The following ZNF550 variants were observed in gnomAD, a reference collection of about 807,000 sequenced individuals.
ZNF550 encodes the protein zinc finger protein 550.
Under a neutral mutation model 40.2 loss-of-function variants are expected in ZNF550, and 42 were observed. That is an observed-to-expected ratio of 1.05 (90% CI 0.82 to 1.35). The LOEUF is 1.35. Ranked by LOEUF, ZNF550 falls within the 40% of genes most tolerant of loss-of-function variation. ZNF550 has a pLI of 0.00. For missense variants in ZNF550, 549 were observed against 525.2 expected (o/e 1.05, Z -0.44); for synonymous variants, 223 against 198.6 (o/e 1.12, Z -1.03).
intron 1 of ZNF550, among the ~76,000 whole-genome samples, chr19:57,558,647 G>A (rs573199267): frequency 3.7e-4 from 56 of 152,300 alleles, no homozygotes; most frequent in African/African-American, 1.3e-3. Flanking sequence ...GGAGACCAAA[G>A]AGACTCTGGT....
At chr19:57,558,777 G>T (rs2090144391) in intron 1 of ZNF550, among the ~76,000 whole-genome samples, 2 of 152,310 alleles carry the variant, frequency 1.3e-5, no homozygotes, top group South Asian at 4.2e-4. Context: ...GGAGCTGACA[G>T]TAATCTGGGC....
intron 4 of ZNF550, chr19:57,543,722 G>T (rs2089982223): frequency 1.5e-5 from 10 of 680,850 alleles, no homozygotes; most frequent in Non-Finnish European, 1.8e-5. Context: ...GACTACATGA[G>T]GTCAAGAGTT....
intron 3 of ZNF550, among the ~76,000 whole-genome samples, chr19:57,551,598 C>T (rs1224853431): frequency 6.6e-6 from 1 of 152,132 alleles, no homozygotes; most frequent in Non-Finnish European, 1.5e-5. Flanking sequence ...GATGGTAAGA[C>T]ATTCTCTGAA....
chr19:57,559,933 T>C (rs561398565), upstream of ZNF550: 14 of 404,080 alleles, frequency 3.5e-5, 1 homozygote, highest in South Asian at 1.4e-3. Context: ...TAATGTAGTC[T>C]TGTCCCGTAA....
chr19:57,542,702 C>G (rs1341266299), exon 5 of ZNF550: 2 of 152,212 alleles, frequency 1.3e-5, no homozygotes, highest in Non-Finnish European at 2.9e-5. Context: ...CCAGACACTT[C>G]TTACTAGAAC....
rs537985012 is a variant in ZNF550, at chr19:57,543,718, A to G, written c.*519-475T>C. The G allele has an allele frequency of 6.4e-5, 46 of 722,390 alleles. No homozygotes were observed. The African/African-American group carries it at 7.7e-4, about 12-fold the overall frequency. The allele number at this position is 722,390 out of a possible 1,614,324, so 44.7% of individuals were successfully genotyped here. ...TGGGAGGCAGAGGCGGGTGGACTAC[A>G]TGAGGTCAAGAGTTCAAGACCAGCC... is the stretch of plus-strand genomic sequence containing the variant. On this transcript the variant is annotated intron_variant, in intron 4 of 4. Transcript: ENST00000457177.
exon 4 of ZNF550, chr19:57,547,730 C>A (rs2090034322): frequency 6.2e-7 from 1 of 1,613,988 alleles, no homozygotes; most frequent in African/African-American, 1.3e-5. Context: ...TCTTGTAATG[C>A]CCTGGAGTGC....
chr19:57,547,251 AATTAGGTGG>A, exon 4 of ZNF550: 1 of 1,613,954 alleles, frequency 6.2e-7, no homozygotes, highest in Non-Finnish European at 8.5e-7. Flanking sequence ...TGTAATGTTG[AATTAGGTGG>A]GCTCTATTGC....
exon 4 of ZNF550, chr19:57,547,547 A>G: frequency 6.2e-7 from 1 of 1,614,224 alleles, no homozygotes; most frequent in Non-Finnish European, 8.5e-7. Flanking sequence ...CATGCATTGC[A>G]TTCATAGGGT....
At chr19:57,557,967 G>A (rs1261946112) in intron 1 of ZNF550, among the ~76,000 whole-genome samples, 1 of 152,248 alleles carries the variant, frequency 6.6e-6, no homozygotes, top group Non-Finnish European at 1.5e-5. Context: ...AGTGCCTGAT[G>A]TGTTTGGGAA....
intron 4 of ZNF550, chr19:57,543,613 A>T (rs2089980838): frequency 7.1e-6 from 7 of 985,402 alleles, no homozygotes; most frequent in Non-Finnish European, 8.4e-6. Flanking sequence ...CATTAAATGT[A>T]ACAAAGTTAC....
At chr19:57,560,765 A>G (rs1041326758), upstream of ZNF550, among the ~76,000 whole-genome samples, 3 of 152,086 alleles carry the variant, frequency 2.0e-5, no homozygotes, top group Non-Finnish European at 4.4e-5. Flanking sequence ...TTAATGTGGC[A>G]ATGAGTGTAT....
upstream of ZNF550, among the ~76,000 whole-genome samples, chr19:57,560,569 G>A (rs575635774): frequency 2.0e-5 from 3 of 152,334 alleles, no homozygotes; most frequent in South Asian, 4.1e-4. Flanking sequence ...GCGGACGTAC[G>A]AGGGAGAGCG....
At chr19:57,547,700 G>A (rs2123344028) in exon 4 of ZNF550, 1 of 1,614,162 alleles carries the variant, frequency 6.2e-7, no homozygotes, top group Non-Finnish European at 8.5e-7. Context: ...CATTCATGGA[G>A]AACATCTGCT....
exon 4 of ZNF550, chr19:57,547,005 G>T: frequency 6.2e-7 from 1 of 1,613,128 alleles, no homozygotes; most frequent in African/African-American, 1.3e-5. Flanking sequence ...GCTGCAGAAG[G>T]TGTGACCTGC....
At chr19:57,559,607 CGGGACACTGAGGCCGGGTG>C in intron 1 of ZNF550, 30 bp downstream of exon 1, 1 of 1,449,726 alleles carries the variant, frequency 6.9e-7, no homozygotes, top group South Asian at 1.3e-5. Flanking sequence ...TCGTCGGGCC[CGGGACACTGAGGCCGGGTG>C]GCCGCGGGGA....
In ZNF550 at chr19:57,554,312, A is replaced by G. The variant is rs568454324; in HGVS notation, c.155-1590T>C. On this transcript the variant is annotated intron_variant, in intron 2 of 4. Coordinates refer to ENST00000457177, the Ensembl canonical transcript of ZNF550. The surrounding 1 kb of genome is among the most constrained non-coding windows in gnomAD (Gnocchi z 4.5). ...TCCAAGGTGGGAGGATGGATTGAAC[A>G]TGGGGGCCTGCTGCCCCAGTCAAGG... 6.6e-6 allele frequency: 1 copy of G among 152,340 alleles called. No homozygotes were observed. Among genetic ancestry groups the G allele is most frequent in the African/African-American group, 2.4e-5 (1 of 41,572 alleles). 9.4% of individuals were successfully genotyped at this position (152,340 alleles called of 1,614,324 possible). A position where few individuals can be genotyped will look rare whatever the true frequency, so the allele number is the denominator to read the frequency against.
chr19:57,557,900 T>C (rs2090136618), intron 1 of ZNF550, among the ~76,000 whole-genome samples: 1 of 152,224 alleles, frequency 6.6e-6, no homozygotes, highest in South Asian at 2.1e-4. Flanking sequence ...CAGGCAGCTC[T>C]AAGAACTAAA....
At chr19:57,546,865 G>A in exon 4 of ZNF550, 1 of 1,438,756 alleles carries the variant, frequency 7.0e-7, no homozygotes, top group Non-Finnish European at 9.2e-7. Flanking sequence ...AAAGTTTCCT[G>A]ACATTCTTTG....
Sources: allele counts gnomAD v4.1 joint callset (sites outside exome capture counted in the v4.1 genomes callset), GRCh38; gene constraint gnomAD v4.1.1; non-coding constraint Gnocchi (gnomAD v3.1); transcripts MANE v1.5; gene names NCBI Gene and HGNC (gene_info 2026-07-23, HGNC 2026-07-21).